PPIG: variants seen among roughly 807,000 people sequenced by gnomAD.
PPIG encodes the protein peptidyl-prolyl cis-trans isomerase G.
PPIG carries 26 observed loss-of-function variants against 87.9 expected under a neutral mutation model. That is an observed-to-expected ratio of 0.30 (90% CI 0.22 to 0.41). The LOEUF (loss-of-function observed/expected upper bound fraction) is 0.41, where lower values mean the gene tolerates loss of function less well. Ranked by LOEUF, PPIG falls within the 10% of genes least tolerant of loss-of-function variation. PPIG has a pLI of 1.00. For synonymous variants in PPIG, 308 were observed against 276.5 expected (o/e 1.11, Z -1.13); for missense variants, 722 against 879.4 (o/e 0.82, Z 2.26).
At chr2:169,619,405 G>A (rs1314708330) in intron 9 of PPIG, among the ~76,000 whole-genome samples, 2 of 152,164 alleles carry the variant, frequency 1.3e-5, no homozygotes, top group Non-Finnish European at 2.9e-5. Context: ...CCAGAGCTGA[G>A]TTGAAATCCT....
intron 9 of PPIG, among the ~76,000 whole-genome samples, chr2:169,617,842 T>C (rs1220139832): frequency 6.6e-6 from 1 of 152,232 alleles, no homozygotes; most frequent in African/African-American, 2.4e-5. Flanking sequence ...GAATACCCTT[T>C]ATTTCTTTCT....
chr2:169,606,682 C>T (rs569579498), intron 5 of PPIG, among the ~76,000 whole-genome samples: 1 of 149,972 alleles, frequency 6.7e-6, no homozygotes, highest in African/African-American at 2.5e-5. Flanking sequence ...TACAAAACAA[C>T]ACTGCATTCA....
At chr2:169,586,001 A>T (rs1684692790) in intron 1 of PPIG, among the ~76,000 whole-genome samples, 1 of 152,158 alleles carries the variant, frequency 6.6e-6, no homozygotes, top group Non-Finnish European at 1.5e-5. Context: ...GAAAAGATAC[A>T]TTTAGAATGG....
At chr2:169,584,650 G>A (rs1361855107) in intron 1 of PPIG, 160 bp downstream of exon 1, 8 of 401,146 alleles carry the variant, frequency 2.0e-5, no homozygotes, top group African/African-American at 1.3e-4. Context: ...GGGCCCAGAG[G>A]AAGTCCCTGA....
chr2:169,634,831 T>G (rs1180394041), intron 12 of PPIG, among the ~76,000 whole-genome samples: 1 of 152,248 alleles, frequency 6.6e-6, no homozygotes, highest in Non-Finnish European at 1.5e-5. Flanking sequence ...CTGTAAATTT[T>G]GATAGTTCTC....
chr2:169,623,973 T>G (rs1399541725), intron 9 of PPIG, among the ~76,000 whole-genome samples: 1 of 152,168 alleles, frequency 6.6e-6, no homozygotes, highest in Non-Finnish European at 1.5e-5. Context: ...ATTTCTGGTT[T>G]TGTTTTGTTT....
At chr2:169,623,411 A>G (rs1214463583) in intron 9 of PPIG, among the ~76,000 whole-genome samples, 1 of 152,242 alleles carries the variant, frequency 6.6e-6, no homozygotes, top group Non-Finnish European at 1.5e-5. Flanking sequence ...GGATATACAT[A>G]ACTCCCACAA....
rs1019438621 is a variant in PPIG, at chr2:169,638,170, G to C, written c.*647G>C. 1 of 151,712 alleles carries C rather than the reference G, an allele frequency of 6.6e-6. No homozygotes were observed. The allele number at this position is 151,712 out of a possible 1,614,324, so 9.4% of individuals were successfully genotyped here. On this transcript the variant is annotated 3_prime_UTR_variant, in exon 14 of 14. Coordinates refer to ENST00000260970, the MANE Select transcript of PPIG (RefSeq NM_004792.3). ...TTTTACTTAACTGCCTATAAAAATC[G>C]TAAGAGTAATTTTTTTCAGTTGATG...
At chr2:169,602,143 G>A (rs1685200140) in intron 1 of PPIG, among the ~76,000 whole-genome samples, 1 of 151,928 alleles carries the variant, frequency 6.6e-6, no homozygotes, top group South Asian at 2.1e-4. Context: ...CATAAGGTAT[G>A]TTTGAAATAT....
At chr2:169,592,293 T>C (rs1431028917) in intron 1 of PPIG, among the ~76,000 whole-genome samples, 1 of 135,944 alleles carries the variant, frequency 7.4e-6, no homozygotes, top group Non-Finnish European at 1.5e-5. Flanking sequence ...TGGTTTCAGA[T>C]GTCTTTTTTC....
intron 1 of PPIG, chr2:169,584,727 G>C (rs935262718): frequency 6.4e-6 from 2 of 313,806 alleles, no homozygotes; most frequent in South Asian, 4.9e-5. Context: ...CCGGGGCCTG[G>C]GGACGGTCCT....
chr2:169,621,296 A>T lies in PPIG; in HGVS notation c.547+6572A>T, dbSNP rs190301936. On this transcript the variant is annotated intron_variant, in intron 9 of 13. Coordinates refer to ENST00000260970, the MANE Select transcript of PPIG (RefSeq NM_004792.3). Reference sequence around the variant, plus strand: ...GAAGGCAAAATGATTATTTAAAAAAATTTTTTTTGTCTGCATTCCATTTTG... The same window carrying T: ...GAAGGCAAAATGATTATTTAAAAAATTTTTTTTTGTCTGCATTCCATTTTG... Among the ~76,000 whole-genome samples, 32 of 151,852 alleles carry T rather than the reference A, an allele frequency of 2.1e-4. No individual in the cohort carries two copies. In the South Asian group the frequency reaches 4.0e-3, roughly 19 times the overall value.
At chr2:169,623,241 C>A (rs2105509849) in intron 9 of PPIG, among the ~76,000 whole-genome samples, 1 of 152,286 alleles carries the variant, frequency 6.6e-6, no homozygotes, top group East Asian at 1.9e-4. Context: ...GAACACAGAC[C>A]AGTACCTTGA....
At chr2:169,628,847 G>A (rs1023412961) in intron 9 of PPIG, among the ~76,000 whole-genome samples, 5 of 148,832 alleles carry the variant, frequency 3.4e-5, no homozygotes, top group East Asian at 2.0e-4. Flanking sequence ...TCAGGAGGCC[G>A]AGACAGAAGT....
At chr2:169,606,611 A>AG (rs969469584) in intron 5 of PPIG, among the ~76,000 whole-genome samples, 1 of 149,088 alleles carries the variant, frequency 6.7e-6, no homozygotes, top group Non-Finnish European at 1.5e-5. Flanking sequence ...AAAAAAAAGA[A>AG]GGAAGCTCAT....
chr2:169,631,698 C>T lies in PPIG; in HGVS notation c.762-68C>T, dbSNP rs912313779. On this transcript the variant is annotated intron_variant, in intron 10 of 13. Transcript: ENST00000260970. ...GTGATATAAAGGAAAGAAATACCAA[C>T]AATTGGATACTTCCGTAAGGACATA... The T allele has an allele frequency of 2.3e-5, 37 of 1,602,980 alleles. No individual in the cohort carries two copies. In the East Asian group the frequency reaches 7.4e-4, roughly 32 times the overall value.
intron 1 of PPIG, among the ~76,000 whole-genome samples, chr2:169,602,222 C>CAA (rs35755825): frequency 3.9e-4 from 58 of 150,548 alleles, no homozygotes; most frequent in Middle Eastern, 3.4e-3. Context: ...TTCCAAAATT[C>CAA]AAAAAAAAAA....
rs1429393122 is a variant in PPIG, at chr2:169,639,726, T to C, written c.*2203T>C. 1.3e-5 allele frequency: 2 copies of C among 152,156 alleles called. No individual in the cohort carries two copies. Among genetic ancestry groups the C allele is most frequent in the African/African-American group, 4.8e-5 (2 of 41,450 alleles). 9.4% of individuals were successfully genotyped at this position (152,156 alleles called of 1,614,324 possible). A position where few individuals can be genotyped will look rare whatever the true frequency, so the allele number is the denominator to read the frequency against. ...TAGAATATAAAGAACATTTTTAAAA[T>C]GATTAAACAGCATTAACTGTACCTC... On this transcript the variant is annotated 3_prime_UTR_variant, in exon 14 of 14. Coordinates refer to ENST00000260970, the MANE Select transcript of PPIG (RefSeq NM_004792.3).
At chr2:169,615,388 C>G (rs1685585751) in intron 9 of PPIG, among the ~76,000 whole-genome samples, 2 of 152,204 alleles carry the variant, frequency 1.3e-5, no homozygotes, top group African/African-American at 4.8e-5. Flanking sequence ...TAGCTATAGT[C>G]ATCATGTTAT....
Sources: allele counts gnomAD v4.1 joint callset (sites outside exome capture counted in the v4.1 genomes callset), GRCh38; gene constraint gnomAD v4.1.1; transcripts MANE v1.5; gene names NCBI Gene and HGNC (gene_info 2026-07-23, HGNC 2026-07-21).